Variants in LDLRAD4 observed in about 807,000 individuals in gnomAD.
LDLRAD4 encodes the protein low density lipoprotein receptor class A domain containing 4, also known as low-density lipoprotein receptor class A domain-containing protein 4.
Under a neutral mutation model 17.0 loss-of-function variants are expected in LDLRAD4, and 5 were observed. That is an observed-to-expected ratio of 0.29 (90% CI 0.15 to 0.62). The LOEUF (loss-of-function observed/expected upper bound fraction) is 0.62, where lower values mean the gene tolerates loss of function less well. LDLRAD4 is among the 20% of genes least tolerant of loss of function. The pLI, the probability that LDLRAD4 is intolerant of heterozygous loss-of-function variation, is 0.84. For missense variants in LDLRAD4, 340 were observed against 424.7 expected, an observed-to-expected ratio of 0.80 and a Z score of 1.75; for synonymous variants, 168 against 171.8, an observed-to-expected ratio of 0.98 and a Z score of 0.17.
chr18:13,642,815 T>A, intron 4 of LDLRAD4: 5 of 1,099,236 alleles, frequency 4.5e-6, no homozygotes, highest in Non-Finnish European at 5.8e-6. Context: ...GTTCAACTTT[T>A]CCATGTTTCC....
In LDLRAD4 at chr18:13,300,846, G is replaced by C. The variant is rs2046552501; in HGVS notation, c.-383+22658G>C. 6.6e-6 allele frequency among the ~76,000 whole-genome samples: 1 copy of C among 152,216 alleles called. No homozygotes were observed. Among genetic ancestry groups the C allele is most frequent in the South Asian group, 2.1e-4 (1 of 4,834 alleles). ...AGACACCTCTCATGATCAGAGATGG[G>C]GTGTGGGAAGGAAGGAAGGGTGGTG... On this transcript the variant is annotated intron_variant, in intron 1 of 5. Transcript: ENST00000359446. The surrounding 1 kb of genome is among the most constrained non-coding windows in gnomAD (Gnocchi z 4.2).
exon 6 of LDLRAD4, chr18:13,650,643 G>T (rs930679501): frequency 3.1e-6 from 1 of 324,942 alleles, no homozygotes; most frequent in African/African-American, 2.1e-5. Flanking sequence ...TATTTGTAAG[G>T]TGCTGTATAT....
At chr18:13,422,136 A>T (rs2089526054) in intron 2 of LDLRAD4, among the ~76,000 whole-genome samples, 1 of 152,346 alleles carries the variant, frequency 6.6e-6, no homozygotes, top group Non-Finnish European at 1.5e-5. Context: ...TCTCGGATTC[A>T]TTCCATTATT....
chr18:13,488,299 C>T (rs2093279986), intron 3 of LDLRAD4: 1 of 152,396 alleles, frequency 6.6e-6, no homozygotes, highest in Non-Finnish European at 1.5e-5. Flanking sequence ...TGCAGACCCC[C>T]TCTGTGGGCC....
At chr18:13,366,159 G>A (rs1448298667) in intron 1 of LDLRAD4, 7 of 152,068 alleles carry the variant, frequency 4.6e-5, no homozygotes, top group South Asian at 2.1e-4. Flanking sequence ...TTGCAGACTC[G>A]ACCTCCTGGG....
chr18:13,595,665 T>A (rs903649755), intron 3 of LDLRAD4, among the ~76,000 whole-genome samples: 13 of 152,224 alleles, frequency 8.5e-5, no homozygotes, highest in South Asian at 2.1e-4. Flanking sequence ...ATGTTTTTTT[T>A]AAATGTGTAT....
At chr18:13,355,624 C>G (rs1488442017) in intron 1 of LDLRAD4, among the ~76,000 whole-genome samples, 2 of 152,176 alleles carry the variant, frequency 1.3e-5, no homozygotes, top group African/African-American at 4.8e-5. Context: ...AGTGACTTTT[C>G]ATTTCCAAGA....
At chr18:13,633,243 A>G (rs953666830) in intron 4 of LDLRAD4, among the ~76,000 whole-genome samples, 1 of 152,262 alleles carries the variant, frequency 6.6e-6, no homozygotes, top group Non-Finnish European at 1.5e-5. Flanking sequence ...GAGGAAGTGC[A>G]TGCTGATTGG....
At chr18:13,550,549 T>G (rs1389107732) in intron 3 of LDLRAD4, among the ~76,000 whole-genome samples, 1 of 152,166 alleles carries the variant, frequency 6.6e-6, no homozygotes, top group Non-Finnish European at 1.5e-5. Context: ...TGAGAAGGCG[T>G]CCCTGAGGAC....
At chr18:13,640,053 G>A (rs1785124) in intron 4 of LDLRAD4, among the ~76,000 whole-genome samples, 17,887 of 152,090 alleles carry the variant, frequency 0.12, 1,840 homozygotes, top group African/African-American at 0.28. Flanking sequence ...TTGGGAGGCC[G>A]AGGCGGGTGA....
At chr18:13,493,711 A>AT (rs1390820021) in intron 3 of LDLRAD4, among the ~76,000 whole-genome samples, 5 of 152,086 alleles carry the variant, frequency 3.3e-5, no homozygotes, top group Non-Finnish European at 7.4e-5. Flanking sequence ...AGATGAAATG[A>AT]TTTTTTTCCT....
At chr18:13,356,142 G>T (rs1418549234) in intron 1 of LDLRAD4, among the ~76,000 whole-genome samples, 1 of 152,232 alleles carries the variant, frequency 6.6e-6, no homozygotes, top group African/African-American at 2.4e-5. Flanking sequence ...TATTGATTTG[G>T]TCCCACTTTG....
chr18:13,482,330 C>G (rs771657311), intron 3 of LDLRAD4, among the ~76,000 whole-genome samples: 3 of 152,182 alleles, frequency 2.0e-5, no homozygotes, highest in Non-Finnish European at 2.9e-5. Flanking sequence ...GCGCAGGCAG[C>G]TGCATAAAAA....
chr18:13,286,313 G>A (rs1383561608), intron 1 of LDLRAD4, among the ~76,000 whole-genome samples: 1 of 152,216 alleles, frequency 6.6e-6, no homozygotes, highest in Non-Finnish European at 1.5e-5. Context: ...CCTTGGAACA[G>A]GAAGACGAGA....
chr18:13,291,581 C>T (rs930676730), intron 1 of LDLRAD4, among the ~76,000 whole-genome samples: 4 of 152,150 alleles, frequency 2.6e-5, no homozygotes, highest in Admixed American at 6.5e-5. Flanking sequence ...GCTCTTCCTT[C>T]GCCCACAGTA....
intron 1 of LDLRAD4, among the ~76,000 whole-genome samples, chr18:13,370,713 G>GTTTTTTTTTTTGT (rs1555663207): frequency 0.019 from 319 of 17,232 alleles, 4 homozygotes; most frequent in Middle Eastern, 0.062. Context: ...TTTTTGTTTT[G>GTTTTTTTTTTTGT]TTTTTTTTTT....
chr18:13,532,091 G>C (rs1466210937), intron 3 of LDLRAD4, among the ~76,000 whole-genome samples: 1 of 152,178 alleles, frequency 6.6e-6, no homozygotes, highest in Non-Finnish European at 1.5e-5. Context: ...GTGATGGGCA[G>C]TGAGAGATGG....
intron 3 of LDLRAD4, among the ~76,000 whole-genome samples, chr18:13,468,154 A>G (rs2092676401): frequency 6.6e-6 from 1 of 152,246 alleles, no homozygotes; most frequent in Admixed American, 6.5e-5. Context: ...CTTTATCAAA[A>G]TGAAAGACTT....
chr18:13,602,175 G>A (rs962257112), intron 3 of LDLRAD4, among the ~76,000 whole-genome samples: 1 of 152,164 alleles, frequency 6.6e-6, no homozygotes, highest in Non-Finnish European at 1.5e-5. Context: ...GAAGGAGAGA[G>A]GTGGGAAAGG....
Sources: gnomAD v4.1 joint callset for allele counts (sites outside exome capture counted in the v4.1 genomes callset) on GRCh38, gnomAD v4.1.1 for gene constraint, Gnocchi (gnomAD v3.1) non-coding constraint, MANE v1.5 for transcripts, NCBI Gene and HGNC (gene_info 2026-07-23, HGNC 2026-07-21) for gene names.